Variants in PABPC1L observed in about 807,000 individuals in gnomAD.
The protein encoded by PABPC1L is polyadenylate-binding protein 1-like.
A neutral mutation model predicts 66.6 loss-of-function variants in PABPC1L; 31 were observed. The observed-to-expected ratio is 0.47, with a 90% CI of 0.35 to 0.63. The LOEUF (loss-of-function observed/expected upper bound fraction) is 0.63. Ranked by LOEUF, PABPC1L falls within the 20% of genes least tolerant of loss-of-function variation. The probability of loss-of-function intolerance (pLI) is 0.00; values close to 1 mark genes in which losing one functional copy is unlikely to be tolerated. For synonymous variants in PABPC1L, 348 were observed against 335.1 expected, an observed-to-expected ratio of 1.04 and a Z score of -0.42; for missense variants, 722 against 848.8, an observed-to-expected ratio of 0.85 and a Z score of 1.86.
intron 11 of PABPC1L, 113 bp from the exon 12 acceptor site, chr20:44,936,524 C>A: frequency 1.2e-6 from 1 of 844,150 alleles, no homozygotes. Context: ...AGACCTTGCC[C>A]TCTGTTCCCC....
chr20:44,931,182 C>CCCTT (rs1276188511), intron 8 of PABPC1L, among the ~76,000 whole-genome samples: 3 of 145,022 alleles, frequency 2.1e-5, no homozygotes, highest in Non-Finnish European at 4.6e-5. Flanking sequence ...CTCCCTTCCT[C>CCCTT]CCTTCCTCCC....
chr20:44,936,634 C>A lies in PABPC1L; in HGVS notation c.1567-3C>A. The stretch of plus-strand genomic sequence containing the variant: ...TAAGGGATGTGTCCCCGGCACCATG[C>A]AGGTCCAGGAGCCGGCTGTGCACAT... On this transcript the variant is annotated splice_polypyrimidine_tract_variant and splice_region_variant and intron_variant, in intron 11 of 14. Transcript: ENST00000217073. 1.3e-6 allele frequency: 2 copies of A among 1,587,234 alleles called. No individual in the cohort carries two copies. Among genetic ancestry groups the A allele is most frequent in the Non-Finnish European group, 1.7e-6 (2 of 1,167,568 alleles).
chr20:44,919,318 C>G (rs189386214), intron 5 of PABPC1L, 41 bp downstream of exon 5: 9 of 1,597,780 alleles, frequency 5.6e-6, no homozygotes, highest in Middle Eastern at 1.7e-4. Flanking sequence ...GCAGGGGGAC[C>G]GAGCTGGGAC....
chr20:44,924,343 C>T lies in PABPC1L; in HGVS notation c.972+87C>T, dbSNP rs189259671. ...CCACAACCCCACCCCTCCACCCTCT[C>T]GCCCAGCAGCCTTCAGGGGGTTGGT... is the stretch of plus-strand genomic sequence containing the variant. On this transcript the variant is annotated intron_variant, in intron 7 of 14. Coordinates refer to ENST00000217073, the MANE Select transcript of PABPC1L (RefSeq NM_001372179.1). 1.2e-3 allele frequency: 1,272 copies of T among 1,061,140 alleles called. 7 individuals carry two copies. The highest frequency in any genetic ancestry group is 0.012 in the African/African-American group (754 of 64,348). 65.7% of individuals were successfully genotyped at this position (1,061,140 alleles called of 1,614,324 possible).
intron 2 of PABPC1L, among the ~76,000 whole-genome samples, chr20:44,913,738 G>T (rs767304855): frequency 1.3e-5 from 2 of 152,066 alleles, no homozygotes; most frequent in Non-Finnish European, 2.9e-5. Flanking sequence ...CAAGTCACAA[G>T]ACCAGCCCAC....
At chr20:44,938,848 T>C in intron 14 of PABPC1L, 100 bp downstream of exon 14, 2 of 1,193,024 alleles carry the variant, frequency 1.7e-6, no homozygotes, top group Non-Finnish European at 2.4e-6. Context: ...GCCGTGTTCC[T>C]GGCTTTCTCT....
chr20:44,927,106 G>A (rs549787398), intron 7 of PABPC1L, among the ~76,000 whole-genome samples: 6 of 151,586 alleles, frequency 4.0e-5, no homozygotes, highest in African/African-American at 1.2e-4. Context: ...GGCTTGTCTT[G>A]AACTCCTGGG....
intron 8 of PABPC1L, among the ~76,000 whole-genome samples, chr20:44,931,170 C>T (rs113486240): frequency 0.025 from 3,341 of 136,070 alleles, 150 homozygotes; most frequent in African/African-American, 0.09. Flanking sequence ...CTTCCTTCTT[C>T]CCTCCCTTCC....
chr20:44,912,672 T>C lies in PABPC1L; in HGVS notation c.206T>C (p.Leu69Pro). 1 of 1,613,266 alleles carries C rather than the reference T, an allele frequency of 6.2e-7. No homozygotes were observed. Among genetic ancestry groups the C allele is most frequent in the Non-Finnish European group, 8.5e-7 (1 of 1,179,280 alleles). The change falls in exon 2 of 15, where the codon CTG (leucine) becomes CCG (proline). Residue 69 changes from leucine (L) to proline (P), a missense_variant. This residue lies in a region of PABPC1L where 284 missense variants were observed against 294.8 expected (regional missense o/e 0.96). Coordinates refer to ENST00000217073, the MANE Select transcript of PABPC1L (RefSeq NM_001372179.1). ...FQQPADAERA[L>P]DTMNFEMLKG... ...TCCTTCTGTCCAGCGGAGCGGGCAC[T>C]GGACACAATGAACTTTGAGATGCTC...
chr20:44,916,970 C>G, intron 3 of PABPC1L, 99 bp downstream of exon 3: 1 of 1,169,250 alleles, frequency 8.6e-7, no homozygotes. Flanking sequence ...CTAATGGGCA[C>G]CAGGCACTTG....
At chr20:44,931,219 CA>C (rs1479097093) in intron 8 of PABPC1L, among the ~76,000 whole-genome samples, 1 of 151,156 alleles carries the variant, frequency 6.6e-6, no homozygotes, top group Non-Finnish European at 1.5e-5. Context: ...CCATGTCACC[CA>C]GGCTGGAGAG....
intron 10 of PABPC1L, among the ~76,000 whole-genome samples, chr20:44,933,743 C>G (rs1465432134): frequency 6.8e-6 from 1 of 147,106 alleles, no homozygotes; most frequent in Non-Finnish European, 1.5e-5. Context: ...CTGTGCCCAG[C>G]CTTAATTTTT....
chr20:44,933,838 C>T (rs541224064), intron 10 of PABPC1L, among the ~76,000 whole-genome samples: 26 of 145,052 alleles, frequency 1.8e-4, no homozygotes, highest in African/African-American at 5.2e-4. Flanking sequence ...GCAACCTCTG[C>T]CTCCGGGGTT....
intron 14 of PABPC1L, 147 bp downstream of exon 14, chr20:44,938,895 AGAG>A (rs1265800969): frequency 7.1e-6 from 6 of 845,792 alleles, no homozygotes; most frequent in South Asian, 1.6e-5. Flanking sequence ...TGTGAGAATC[AGAG>A]GAGATGATTA....
chr20:44,934,998 G>C (rs767155228), intron 10 of PABPC1L, among the ~76,000 whole-genome samples: 2 of 152,048 alleles, frequency 1.3e-5, no homozygotes, highest in Non-Finnish European at 2.9e-5. Flanking sequence ...AACCCAGGAG[G>C]GGGAGGTTGC....
In PABPC1L at chr20:44,912,866, G is replaced by A; in HGVS notation, c.387+13G>A. 1 of 1,610,758 alleles carries A rather than the reference G, an allele frequency of 6.2e-7. No individual in the cohort carries two copies. The highest frequency in any genetic ancestry group is 1.1e-5 in the South Asian group (1 of 90,844). Reference sequence around the variant, plus strand: ...CCTCTCTTGCAAGGTAGAGGATGAAGGGTGTACGTCTTTGGGTAGATCGGT... The same window carrying A: ...CCTCTCTTGCAAGGTAGAGGATGAAAGGTGTACGTCTTTGGGTAGATCGGT... On this transcript the variant is annotated intron_variant, in intron 2 of 14. Transcript: ENST00000217073.
Position 44,910,104 on chromosome 20 carries a change from C to A in PABPC1L, c.-40C>A. The stretch of plus-strand genomic sequence containing the variant: ...GTGAGCGCGGGGCTGCTGGGTGACC[C>A]GGCTCCTGCTTGCCCCGCAGCCCCG... On this transcript the variant is annotated 5_prime_UTR_variant, in exon 1 of 15. Transcript: ENST00000217073. The A allele has an allele frequency of 6.6e-7, 1 of 1,505,466 alleles. No individual in the cohort carries two copies. The highest frequency in any genetic ancestry group is 9.0e-7 in the Non-Finnish European group (1 of 1,117,076). The allele number at this position is 1,505,466 out of a possible 1,614,324, so 93.3% of individuals were successfully genotyped here.
intron 7 of PABPC1L, among the ~76,000 whole-genome samples, chr20:44,924,837 G>A (rs1282995051): frequency 6.6e-6 from 1 of 152,092 alleles, no homozygotes; most frequent in Non-Finnish European, 1.5e-5. Context: ...AACCCCCTGG[G>A]CAATTCTTAA....
At chr20:44,924,828 A>G (rs932192010) in intron 7 of PABPC1L, among the ~76,000 whole-genome samples, 1 of 151,810 alleles carries the variant, frequency 6.6e-6, no homozygotes, top group Non-Finnish European at 1.5e-5. Flanking sequence ...TCTCATTACA[A>G]CCCCCTGGGC....
Sources: gnomAD v4.1 joint callset for allele counts (sites outside exome capture counted in the v4.1 genomes callset) on GRCh38, gnomAD v4.1.1 for gene constraint, gnomAD v4.1.1 regional missense constraint, MANE v1.5 for transcripts, NCBI Gene and HGNC (gene_info 2026-07-23, HGNC 2026-07-21) for gene names.